The following TUT7 variants were observed in gnomAD, a reference collection of about 807,000 sequenced individuals.
TUT7 encodes the protein terminal uridylyl transferase 7, also known as terminal uridylyltransferase 7.
TUT7 carries 33 observed loss-of-function variants against 165.9 expected under a neutral mutation model. That is an observed-to-expected ratio of 0.20 (90% CI 0.15 to 0.27). TUT7 has a LOEUF of 0.27. TUT7 is among the 10% of genes least tolerant of loss of function. The pLI is 1.00. For missense variants in TUT7, 1,338 were observed against 1,762.3 expected (o/e 0.76, Z 4.31); for synonymous variants, 552 against 608.1 (o/e 0.91, Z 1.36).
intron 26 of TUT7, among the ~76,000 whole-genome samples, chr9:86,293,707 T>G (rs906106444): frequency 6.6e-6 from 1 of 152,168 alleles, no homozygotes; most frequent in African/African-American, 2.4e-5. Flanking sequence ...ATGAAATAAC[T>G]AGACAAATAT....
At chr9:86,303,412 C>T (rs549225325) in intron 24 of TUT7, among the ~76,000 whole-genome samples, 9 of 152,162 alleles carry the variant, frequency 5.9e-5, no homozygotes, top group African/African-American at 1.9e-4. Flanking sequence ...TTGTTTATTC[C>T]TTTTAGTCAT....
chr9:86,288,651 A>G lies in TUT7; in HGVS notation c.*26T>C. 1.2e-6 allele frequency: 2 copies of G among 1,605,866 alleles called. No individual in the cohort carries two copies. The highest frequency in any genetic ancestry group is 1.7e-6 in the Non-Finnish European group (2 of 1,172,772). On this transcript the variant is annotated 3_prime_UTR_variant, in exon 27 of 27. Transcript: ENST00000375963. ...AGTGAATAGGAACGCCTGAGTGGCC[A>G]TTTAGAGTGCTGCATTTTCCTTCCC...
chr9:86,303,477 G>A lies in TUT7; in HGVS notation c.3979-276C>T, dbSNP rs941998535. 7.2e-5 allele frequency among the ~76,000 whole-genome samples: 11 copies of A among 152,124 alleles called. No individual in the cohort carries two copies. The East Asian group carries it at 7.7e-4, about 11-fold the overall frequency. ...GGTTTAAGCACACTTCTAAAGAAGC[G>A]GATGAGTCAGCTTTTCAGGATGTGG... On this transcript the variant is annotated intron_variant, in intron 24 of 26. Coordinates refer to ENST00000375963, the MANE Select transcript of TUT7 (RefSeq NM_024617.4).
chr9:86,313,432 A>AGTTCAG (rs1420220381), intron 17 of TUT7, among the ~76,000 whole-genome samples: 1 of 152,178 alleles, frequency 6.6e-6, no homozygotes, highest in African/African-American at 2.4e-5. Flanking sequence ...GGGCTTTCAG[A>AGTTCAG]GTAAGAGTTA....
At position 86,289,993 on chromosome 9, in the gene TUT7, A is replaced by G. The variant is rs181271968; in HGVS notation, c.4421-1249T>C. Reference sequence around the variant, plus strand: ...ATATGAAAAAACAAGGTATAAAACTATATAAATAGCATTTTCAAAAAACTA... The same window carrying G: ...ATATGAAAAAACAAGGTATAAAACTGTATAAATAGCATTTTCAAAAAACTA... On this transcript the variant is annotated intron_variant, in intron 26 of 26. Coordinates refer to ENST00000375963, the MANE Select transcript of TUT7 (RefSeq NM_024617.4). Among the ~76,000 whole-genome samples the G allele has an allele frequency of 3.3e-5, 5 of 152,314 alleles. No homozygotes were observed. The East Asian group carries it at 9.6e-4, about 29-fold the overall frequency.
At chr9:86,302,940 T>TA in intron 25 of TUT7, 146 bp downstream of exon 25, 1 of 505,284 alleles carries the variant, frequency 2.0e-6, no homozygotes, top group Non-Finnish European at 3.5e-6. Flanking sequence ...TTCATTTCAT[T>TA]AAAAAATAAA....
In TUT7 at chr9:86,311,187, G is replaced by T. The variant is rs1430770223; in HGVS notation, c.3275-378C>A. Among the ~76,000 whole-genome samples the T allele has an allele frequency of 6.6e-6, 1 of 152,156 alleles. No individual in the cohort carries two copies. Among genetic ancestry groups the T allele is most frequent in the East Asian group, 1.9e-4 (1 of 5,186 alleles). ...TGTGGTTCCCACCTGTTCTCTCCAT[G>T]TGACTATATCTAATTTGGAGAACAG... On this transcript the variant is annotated intron_variant, in intron 17 of 26. Coordinates refer to ENST00000375963, the MANE Select transcript of TUT7 (RefSeq NM_024617.4). The surrounding 1 kb of genome is among the most constrained non-coding windows in gnomAD (Gnocchi z 4.4).
intron 8 of TUT7, among the ~76,000 whole-genome samples, chr9:86,339,611 C>A (rs1831156621): frequency 6.6e-6 from 1 of 152,146 alleles, no homozygotes; most frequent in Non-Finnish European, 1.5e-5. Flanking sequence ...AATGAAGAAT[C>A]ATTACAGCCT....
At chr9:86,348,200 A>C (rs903667911) in intron 2 of TUT7, among the ~76,000 whole-genome samples, 1 of 152,164 alleles carries the variant, frequency 6.6e-6, no homozygotes, top group Non-Finnish European at 1.5e-5. Context: ...TCCTCCAAAG[A>C]CCTCAATCAA....
intron 2 of TUT7, among the ~76,000 whole-genome samples, chr9:86,350,525 G>A (rs1004684461): frequency 1.3e-5 from 2 of 152,242 alleles, no homozygotes; most frequent in Admixed American, 1.3e-4. Flanking sequence ...TCCGCCGTCA[G>A]GATTTCAGGT....
intron 10 of TUT7, among the ~76,000 whole-genome samples, chr9:86,336,518 C>T (rs1028149181): frequency 5.9e-5 from 9 of 152,072 alleles, no homozygotes; most frequent in African/African-American, 2.2e-4. Flanking sequence ...GACAGAAGTC[C>T]CTGCTTAATC....
chr9:86,297,990 C>T (rs1460288931), intron 26 of TUT7, among the ~76,000 whole-genome samples: 1 of 148,906 alleles, frequency 6.7e-6, no homozygotes, highest in Non-Finnish European at 1.5e-5. Flanking sequence ...GCCACACTGC[C>T]TCAGTGATGC....
In TUT7 at chr9:86,338,845, A is replaced by G. The variant is rs764467993; in HGVS notation, c.1313T>C (p.Ile438Thr). The G allele has an allele frequency of 1.6e-5, 25 of 1,608,706 alleles. No homozygotes were observed. The highest frequency in any genetic ancestry group is 2.1e-5 in the Non-Finnish European group (25 of 1,177,562). Residue 438 changes from isoleucine (I) to threonine (T), a missense_variant, in exon 9 of 27, where the codon ATT (isoleucine) becomes ACT (threonine). Physicochemically the swap from Ile to Thr is moderately conservative, Grantham distance 89 (BLOSUM62 -1). This residue lies in a region of TUT7 where 74 missense variants were observed against 128.5 expected (regional missense o/e 0.58). Transcript: ENST00000375963. ...TACCTTTGCCCAGTACCTAAATGCA[A>G]TCACCAAAGGAACCAGCTTTGGTTC... is the stretch of plus-strand genomic sequence containing the variant. ...KLEPKLVPLV[I>T]AFRYWAKLCS...
In TUT7 at chr9:86,323,160, T is replaced by C. The variant is rs781492162; in HGVS notation, c.2590A>G (p.Ile864Val). 7 of 1,614,202 alleles carry C rather than the reference T, an allele frequency of 4.3e-6. No homozygotes were observed. The highest frequency in any genetic ancestry group is 3.3e-5 in the Admixed American group (2 of 60,008). ...EEEEEEPRLT[I>V]NQREDEDGMA... ...CCATCTTCATCTTCCCTTTGGTTAA[T>C]GGTGAGCCTAGGTTCTTCTTCCTCC... The change falls in exon 13 of 27, where the codon ATT becomes GTT. Residue 864 changes from isoleucine (I) to valine (V), a missense_variant. By Grantham distance (29) the Ile-to-Val change is conservative. Transcript: ENST00000375963.
In TUT7 at chr9:86,323,651, G is replaced by A. The variant is rs777634187; in HGVS notation, c.2099C>T (p.Thr700Ile). 48 of 1,614,078 alleles carry A rather than the reference G, an allele frequency of 3.0e-5. No homozygotes were observed. The highest frequency in any genetic ancestry group is 3.7e-5 in the Non-Finnish European group (44 of 1,180,044). ...CKVQPLTLKE[T>I]AESFGSPPKE... ...TGGTGGGCTTCCAAAACTTTCAGCAGTCTCTTTAAGAGTAAGTGGCTGTAC... is the reference window on the plus strand; with the variant it reads ...TGGTGGGCTTCCAAAACTTTCAGCAATCTCTTTAAGAGTAAGTGGCTGTAC... The change falls in exon 13 of 27, where the codon ACT becomes ATT. Residue 700 changes from threonine (T) to isoleucine (I), a missense_variant. Thr to Ile is a moderately conservative substitution (Grantham distance 89, BLOSUM62 -1). Coordinates refer to ENST00000375963, the MANE Select transcript of TUT7 (RefSeq NM_024617.4).
intron 9 of TUT7, among the ~76,000 whole-genome samples, 185 bp downstream of exon 9, chr9:86,338,638 C>A (rs1027662825): frequency 3.3e-5 from 5 of 152,086 alleles, no homozygotes; most frequent in African/African-American, 1.2e-4. Context: ...TTGAGCAATA[C>A]CGTTAAAGTG....
intron 16 of TUT7, among the ~76,000 whole-genome samples, chr9:86,318,456 A>T (rs948645969): frequency 6.6e-6 from 1 of 152,216 alleles, no homozygotes; most frequent in African/African-American, 2.4e-5. Flanking sequence ...GATCCATGAT[A>T]ATGTGTACAA....
intron 12 of TUT7, among the ~76,000 whole-genome samples, chr9:86,325,008 G>C (rs1829661840): frequency 6.6e-6 from 1 of 152,152 alleles, no homozygotes; most frequent in South Asian, 2.1e-4. Flanking sequence ...CCAGAGGTGA[G>C]AATGGTAAAG....
chr9:86,340,060 A>G lies in TUT7; in HGVS notation c.1184T>C (p.Val395Ala), dbSNP rs143742419. 5.3e-5 allele frequency: 86 copies of G among 1,613,874 alleles called. No homozygotes were observed. The highest frequency in any genetic ancestry group is 2.4e-4 in the African/African-American group (18 of 74,926). ...CCTTTGCTTTTCTCTGCACACCACC[A>G]CTGGCACCCTAGCATGGAAGTCTGC... ...VDADFHARVP[V>A]VVCREKQSGL... is the part of the protein sequence containing the mutation. The change falls in exon 8 of 27, where the codon GTG becomes GCG. Residue 395 changes from valine (V) to alanine (A), a missense_variant. Physicochemically the swap from Val to Ala is moderately conservative, Grantham distance 64. Around this residue, in one of 7 missense-constraint regions of TUT7, gnomAD observed 434 missense variants for 480.8 expected, o/e 0.90. Transcript: ENST00000375963.
Sources: gnomAD v4.1 joint callset for allele counts (sites outside exome capture counted in the v4.1 genomes callset) on GRCh38, gnomAD v4.1.1 for gene constraint, gnomAD v4.1.1 regional missense constraint, Gnocchi (gnomAD v3.1) non-coding constraint, MANE v1.5 for transcripts, NCBI Gene and HGNC (gene_info 2026-07-23, HGNC 2026-07-21) for gene names.